The following NT5C2 variants were observed in gnomAD, a reference collection of about 807,000 sequenced individuals.
NT5C2 encodes cytosolic purine 5'-nucleotidase.
NT5C2 carries 58 observed loss-of-function variants against 76.1 expected under a neutral mutation model. That is an observed-to-expected ratio of 0.76 (90% CI 0.62 to 0.95). The LOEUF is 0.95. NT5C2 is among the 40% of genes least tolerant of loss of function. The probability of loss-of-function intolerance (pLI) is 0.00; values close to 1 mark genes in which losing one functional copy is unlikely to be tolerated. For synonymous variants in NT5C2, 229 were observed against 237.4 expected (o/e 0.96, Z 0.32); for missense variants, 478 against 690.3 (o/e 0.69, Z 3.45).
At chr10:103,137,318 T>C (rs947396512) in intron 4 of NT5C2, among the ~76,000 whole-genome samples, 1 of 152,096 alleles carries the variant, frequency 6.6e-6, no homozygotes, top group African/African-American at 2.4e-5. Flanking sequence ...TGTGACCAAT[T>C]AGAAAAACAT....
chr10:103,122,945 A>G (rs1467318377), intron 4 of NT5C2, among the ~76,000 whole-genome samples: 6 of 152,118 alleles, frequency 3.9e-5, no homozygotes, highest in Non-Finnish European at 2.9e-5. Flanking sequence ...CCAGGTCTTC[A>G]TTTCCTTATG....
chr10:103,126,809 T>G (rs1440318475), intron 4 of NT5C2, among the ~76,000 whole-genome samples: 1 of 152,104 alleles, frequency 6.6e-6, no homozygotes, highest in Non-Finnish European at 1.5e-5. Context: ...TATATGCGGA[T>G]TTTTTATTTT....
At chr10:103,108,765 A>T (rs951426907) in intron 4 of NT5C2, among the ~76,000 whole-genome samples, 2 of 152,210 alleles carry the variant, frequency 1.3e-5, no homozygotes, top group Non-Finnish European at 2.9e-5. Context: ...GAACAATGCC[A>T]AAAGAAAAAA....
intron 13 of NT5C2, 113 bp downstream of exon 13, chr10:103,094,235 G>A: frequency 1.3e-6 from 1 of 763,966 alleles, no homozygotes. Context: ...TCAAAAGAGA[G>A]ATACGGCTAA....
At chr10:103,145,938 AC>A (rs2081399318) in intron 3 of NT5C2, 1 of 353,440 alleles carries the variant, frequency 2.8e-6, no homozygotes, top group South Asian at 1.2e-4. Context: ...ATATTCTCAC[AC>A]TTAAGTAACA....
At chr10:103,188,790 T>A (rs2092345268) in intron 1 of NT5C2, among the ~76,000 whole-genome samples, 1 of 152,106 alleles carries the variant, frequency 6.6e-6, no homozygotes, top group Non-Finnish European at 1.5e-5. Flanking sequence ...TCACCTGAGG[T>A]CAGGAGTTTG....
At chr10:103,180,735 C>A (rs1413996404) in intron 2 of NT5C2, among the ~76,000 whole-genome samples, 1 of 151,632 alleles carries the variant, frequency 6.6e-6, no homozygotes, top group East Asian at 1.9e-4. Context: ...AAAAAAAAAA[C>A]TTATACACAA....
At chr10:103,133,273 CT>C (rs149128194) in intron 4 of NT5C2, among the ~76,000 whole-genome samples, 16 of 148,816 alleles carry the variant, frequency 1.1e-4, no homozygotes, top group East Asian at 2.0e-4. Flanking sequence ...GTCCATTAAA[CT>C]TTTTTTTTTT....
chr10:103,167,739 C>T (rs1351612167), intron 3 of NT5C2, among the ~76,000 whole-genome samples: 1 of 151,572 alleles, frequency 6.6e-6, no homozygotes, highest in East Asian at 1.9e-4. Context: ...ACAAGCAATC[C>T]TCCCGCCTTA....
At chr10:103,183,288 T>TTTG (rs2091492644) in intron 1 of NT5C2, among the ~76,000 whole-genome samples, 1 of 134,874 alleles carries the variant, frequency 7.4e-6, no homozygotes, top group Non-Finnish European at 1.6e-5. Context: ...TATATATATA[T>TTTG]ATATATCACA....
intron 3 of NT5C2, among the ~76,000 whole-genome samples, chr10:103,152,465 A>C (rs968405794): frequency 3.3e-5 from 5 of 152,224 alleles, no homozygotes; most frequent in Non-Finnish European, 7.4e-5. Context: ...TTAGATTAAA[A>C]TAAGTTGTAA....
chr10:103,187,102 T>C (rs1184584145), intron 1 of NT5C2, among the ~76,000 whole-genome samples: 1 of 150,934 alleles, frequency 6.6e-6, no homozygotes, highest in Non-Finnish European at 1.5e-5. Flanking sequence ...ATACAAAAAT[T>C]AGCTAGGCAT....
In NT5C2 at chr10:103,149,860, TAAA is replaced by T. The variant is rs199764394; in HGVS notation, c.102-10384_102-10382del. Among the ~76,000 whole-genome samples the T allele has an allele frequency of 4.3e-3, 539 of 126,616 alleles. 4 individuals are homozygous for T. The highest frequency in any genetic ancestry group is 0.015 in the African/African-American group (525 of 34,286). 83.1% of individuals were successfully genotyped at this position (126,616 alleles called of 152,430 possible). A position where few individuals can be genotyped will look rare whatever the true frequency, so the allele number is the denominator to read the frequency against. ...CCTAAACGACAGCAACTCTAGTAATTAAAAAAAAAAAAAAAAGCACTTTAACAA... is the reference window on the plus strand; with the variant it reads ...CCTAAACGACAGCAACTCTAGTAATTAAAAAAAAAAAAAGCACTTTAACAA... On this transcript the variant is annotated intron_variant, in intron 3 of 18. Transcript: ENST00000404739.
intron 16 of NT5C2, among the ~76,000 whole-genome samples, 197 bp downstream of exon 16, chr10:103,091,367 C>A (rs113021110): frequency 6.7e-6 from 1 of 148,500 alleles, no homozygotes; most frequent in South Asian, 2.1e-4. Flanking sequence ...TTTTTTGAGA[C>A]GGAGTTTCAC....
In NT5C2 at chr10:103,166,060, T is replaced by C. The variant is rs574192055; in HGVS notation, c.101+8798A>G. The stretch of plus-strand genomic sequence containing the variant: ...AGTAAGAAATGATACAGAGATTTCA[T>C]GAACCCTTCACACAGTGTCCCCCAA... On this transcript the variant is annotated intron_variant, in intron 3 of 18. Transcript: ENST00000404739. Among the ~76,000 whole-genome samples the C allele has an allele frequency of 2.6e-5, 4 of 152,388 alleles. No individual in the cohort carries two copies. The South Asian group carries it at 6.2e-4, about 24-fold the overall frequency.
At chr10:103,151,405 G>A (rs947285304) in intron 3 of NT5C2, among the ~76,000 whole-genome samples, 5 of 151,386 alleles carry the variant, frequency 3.3e-5, no homozygotes, top group South Asian at 2.1e-4. Flanking sequence ...TGGAGGTTGC[G>A]GTGAGCCAAG....
chr10:103,130,795 A>G (rs1282886591), intron 4 of NT5C2, among the ~76,000 whole-genome samples: 1 of 152,042 alleles, frequency 6.6e-6, no homozygotes, highest in Non-Finnish European at 1.5e-5. Flanking sequence ...ATCATTATTC[A>G]AAGTAAATTT....
At chr10:103,167,235 C>T (rs1278217791) in intron 3 of NT5C2, among the ~76,000 whole-genome samples, 1 of 152,088 alleles carries the variant, frequency 6.6e-6, no homozygotes, top group East Asian at 1.9e-4. Flanking sequence ...CCAGGCTAGT[C>T]TCAAACTCCT....
At chr10:103,190,877 A>G (rs2092584478) in intron 1 of NT5C2, among the ~76,000 whole-genome samples, 1 of 152,214 alleles carries the variant, frequency 6.6e-6, no homozygotes, top group Non-Finnish European at 1.5e-5. Context: ...GAGAGCATCT[A>G]CTAATGAAGA....
Sources: gnomAD v4.1 joint callset for allele counts (sites outside exome capture counted in the v4.1 genomes callset) on GRCh38, gnomAD v4.1.1 for gene constraint, MANE v1.5 for transcripts, NCBI Gene and HGNC (gene_info 2026-07-23, HGNC 2026-07-21) for gene names.